Variants in RBPJL observed in about 807,000 individuals in gnomAD.
The protein encoded by RBPJL is recombining binding protein suppressor of hairless-like protein.
In RBPJL, 50 loss-of-function variants were observed where a neutral mutation model predicts 57.6. The observed-to-expected ratio is 0.87, with a 90% CI of 0.69 to 1.10. The LOEUF (loss-of-function observed/expected upper bound fraction) is 1.10, where lower values mean the gene tolerates loss of function less well. Ranked by LOEUF, RBPJL falls within the 50% of genes least tolerant of loss-of-function variation. The pLI is 0.00. For missense variants in RBPJL, 684 were observed against 693.7 expected (o/e 0.99, Z 0.16); for synonymous variants, 303 against 294.4 (o/e 1.03, Z -0.30).
At position 45,317,009 on chromosome 20, in the gene RBPJL, AGGCGCG is replaced by A. The variant is rs763061513; in HGVS notation, c.*53_*58del. The A allele has an allele frequency of 1.9e-6, 3 of 1,560,990 alleles. No individual in the cohort carries two copies. The East Asian group carries it at 6.8e-5, about 35-fold the overall frequency. ...CACCCTGGAGGGCTGCGCCCGCGCC[AGGCGCG>A]GGGACGTGTTTCTGGGTTCTAGGCC... On this transcript the variant is annotated 3_prime_UTR_variant, in exon 12 of 12. Coordinates refer to ENST00000343694, the MANE Select transcript of RBPJL (RefSeq NM_014276.4).
In RBPJL at chr20:45,314,163, T is replaced by G. The variant is rs1190851056; in HGVS notation, c.867+19T>G. The G allele has an allele frequency of 6.3e-7, 1 of 1,595,136 alleles. No homozygotes were observed. Among genetic ancestry groups the G allele is most frequent in the African/African-American group, 1.3e-5 (1 of 74,660 alleles). The stretch of plus-strand genomic sequence containing the variant: ...TCCCATGGTATAGGAAGGGAGGGCA[T>G]GCCTGGAGGGGTCCCCTCAGATCCA... On this transcript the variant is annotated intron_variant, in intron 8 of 11. Transcript: ENST00000343694.
Position 45,312,363 on chromosome 20 carries a change from C to T in RBPJL, c.587C>T (p.Ser196Leu). 1 of 1,614,056 alleles carries T rather than the reference C, an allele frequency of 6.2e-7. No individual in the cohort carries two copies. The highest frequency in any genetic ancestry group is 8.5e-7 in the Non-Finnish European group (1 of 1,180,014). ...CTTATCAAGGTCATCTCGAAGCCCT[C>T]GCAGAAGAAGCAGTCGCTGAAAAAC... ...SRLIKVISKP[S>L]QKKQSLKNTD... Residue 196 changes from serine (S) to leucine (L), a missense_variant, in exon 6 of 12, where the codon TCG (serine) becomes TTG (leucine). Coordinates refer to ENST00000343694, the MANE Select transcript of RBPJL (RefSeq NM_014276.4).
At chr20:45,314,209 C>A (rs149103232) in intron 8 of RBPJL, 65 bp downstream of exon 8, 12 of 1,443,798 alleles carry the variant, frequency 8.3e-6, no homozygotes, top group Non-Finnish European at 1.1e-5. Flanking sequence ...GTGGCACACA[C>A]GGGCAGGGCT....
chr20:45,314,064 C>G lies in RBPJL; in HGVS notation c.787C>G (p.Pro263Ala). The G allele has an allele frequency of 6.2e-7, 1 of 1,614,212 alleles. No individual in the cohort carries two copies. ...TGGGCACTCTGCCCAAGGAGACTTC[C>G]CACCGCGAGAGGGCTACGTTCGCTA... is the stretch of plus-strand genomic sequence containing the variant. Reference protein sequence around the residue: ...ADGHSAQGDFPPREGYVRYGS... With the variant: ...ADGHSAQGDFAPREGYVRYGS... Residue 263 changes from proline (P) to alanine (A), a missense_variant, in exon 8 of 12, where the codon CCA (proline) becomes GCA (alanine). Transcript: ENST00000343694.
intron 6 of RBPJL, among the ~76,000 whole-genome samples, chr20:45,312,643 G>A (rs1465962536): frequency 2.0e-5 from 3 of 152,070 alleles, no homozygotes; most frequent in African/African-American, 7.2e-5. Context: ...GGGAGTTGGG[G>A]TCCCAGAGCA....
In RBPJL at chr20:45,317,051, G is replaced by A; in HGVS notation, c.*92G>A. ...TCTGGGTTCTAGGCCCTGCTTCCTT[G>A]CCCCTTTGCTGCAGAAGGGCAGCTG... On this transcript the variant is annotated 3_prime_UTR_variant, in exon 12 of 12. Transcript: ENST00000343694. 6.9e-7 allele frequency: 1 copy of A among 1,457,580 alleles called. No individual in the cohort carries two copies. 90.3% of individuals were successfully genotyped at this position (1,457,580 alleles called of 1,614,324 possible). A position where few individuals can be genotyped will look rare whatever the true frequency, so the allele number is the denominator to read the frequency against.
intron 3 of RBPJL, among the ~76,000 whole-genome samples, chr20:45,310,593 A>G (rs1278198320): frequency 2.0e-5 from 3 of 151,978 alleles, no homozygotes; most frequent in South Asian, 4.2e-4. Context: ...GCGACAGAGC[A>G]AGACTCAGTC....
At chr20:45,313,421 A>C (rs1987293473) in intron 6 of RBPJL, 47 bp from the exon 7 acceptor site, 2 of 1,519,126 alleles carry the variant, frequency 1.3e-6, no homozygotes, top group East Asian at 2.3e-5. Context: ...CCCTCACCCT[A>C]ACCCTGACCC....
chr20:45,313,664 TCCA>T, intron 7 of RBPJL, 59 bp downstream of exon 7: 1 of 1,476,704 alleles, frequency 6.8e-7, no homozygotes, highest in African/African-American at 1.4e-5. Context: ...TTATTTAACC[TCCA>T]CCACAACTCC....
intron 3 of RBPJL, among the ~76,000 whole-genome samples, chr20:45,310,988 C>T (rs916717478): frequency 1.2e-4 from 18 of 151,596 alleles, no homozygotes; most frequent in Non-Finnish European, 1.9e-4. Flanking sequence ...TGGCTTGTGT[C>T]TGTAGTCTCA....
intron 10 of RBPJL, 50 bp downstream of exon 10, chr20:45,316,392 G>A: frequency 6.2e-7 from 1 of 1,605,944 alleles, no homozygotes; most frequent in Non-Finnish European, 8.5e-7. Flanking sequence ...GCCTGCACTG[G>A]GCAGTGGTGG....
intron 9 of RBPJL, among the ~76,000 whole-genome samples, chr20:45,315,464 G>A (rs915135639): frequency 2.0e-4 from 30 of 152,156 alleles, no homozygotes; most frequent in Admixed American, 4.6e-4. Context: ...ATCCCAGGCC[G>A]GGCCAATGGC....
intron 9 of RBPJL, among the ~76,000 whole-genome samples, chr20:45,315,467 C>G (rs1165032728): frequency 6.6e-6 from 1 of 151,882 alleles, no homozygotes; most frequent in Non-Finnish European, 1.5e-5. Flanking sequence ...CCAGGCCGGG[C>G]CAATGGCTCA....
At chr20:45,312,146 G>A in intron 5 of RBPJL, 75 bp from the exon 6 acceptor site, 2 of 1,603,602 alleles carry the variant, frequency 1.2e-6, no homozygotes, top group Non-Finnish European at 1.7e-6. Context: ...GCGGACGTCC[G>A]ATATCTGGGA....
At chr20:45,313,706 A>T in intron 7 of RBPJL, 101 bp downstream of exon 7, 1 of 1,273,938 alleles carries the variant, frequency 7.8e-7, no homozygotes, top group Non-Finnish European at 1.1e-6. Flanking sequence ...GCCCCATGTG[A>T]TTAAGGCTCA....
rs571304257 is a variant in RBPJL at position 45,306,950 on chromosome 20, C to T, written c.22+6C>T. 13 of 1,253,234 alleles carry T rather than the reference C, an allele frequency of 1.0e-5. No individual in the cohort carries two copies. Among genetic ancestry groups the T allele is most frequent in the African/African-American group, 9.3e-5 (6 of 64,802 alleles). 77.6% of individuals were successfully genotyped at this position (1,253,234 alleles called of 1,614,324 possible). On this transcript the variant is annotated splice_donor_region_variant and intron_variant, in intron 1 of 11. Coordinates refer to ENST00000343694, the MANE Select transcript of RBPJL (RefSeq NM_014276.4). ...GGACCCCGCAGGGGCAGCAGGTGAG[C>T]GCTTACCCTCCCGAGGCCCCGGAGA...
In RBPJL at chr20:45,313,507, G is replaced by A. The variant is rs771722231; in HGVS notation, c.659G>A (p.Arg220His). ...GGCTCAAAGGTCTCCCTCTTCAACC[G>A]CCTGCGCTCTCAGACGGTCTCCACA... ...SSGSKVSLFN[R>H]LRSQTVSTRY... Residue 220 changes from arginine to histidine, a missense_variant, in exon 7 of 12, where the codon CGC (arginine) becomes CAC (histidine). Physicochemically the swap from Arg to His is conservative, Grantham distance 29. Coordinates refer to ENST00000343694, the MANE Select transcript of RBPJL (RefSeq NM_014276.4). The A allele has an allele frequency of 2.0e-5, 33 of 1,613,600 alleles. No individual in the cohort carries two copies. The highest frequency in any genetic ancestry group is 2.4e-5 in the Non-Finnish European group (28 of 1,179,856).
intron 10 of RBPJL, 38 bp downstream of exon 10, chr20:45,316,380 C>G (rs1452607170): frequency 1.9e-6 from 3 of 1,609,834 alleles, no homozygotes; most frequent in African/African-American, 2.7e-5. Context: ...CAGGGGGACC[C>G]TGCCTGCACT....
At chr20:45,307,370 C>T (rs1188727996) in intron 1 of RBPJL, among the ~76,000 whole-genome samples, 1 of 152,200 alleles carries the variant, frequency 6.6e-6, no homozygotes, top group African/African-American at 2.4e-5. Flanking sequence ...CCCTTTTCCC[C>T]TCCCAGGCCT....
Sources: gnomAD v4.1 joint callset for allele counts (sites outside exome capture counted in the v4.1 genomes callset) on GRCh38, gnomAD v4.1.1 for gene constraint, MANE v1.5 for transcripts, NCBI Gene and HGNC (gene_info 2026-07-23, HGNC 2026-07-21) for gene names.